The following KCNAB2 variants were observed in gnomAD, a reference collection of about 807,000 sequenced individuals.
KCNAB2 encodes potassium voltage-gated channel subfamily A regulatory beta subunit 2, also known as voltage-gated potassium channel subunit beta-2.
KCNAB2 carries 29 observed loss-of-function variants against 63.6 expected under a neutral mutation model. The observed-to-expected ratio is 0.46, with a 90% CI of 0.34 to 0.62. The LOEUF is 0.62. KCNAB2 is among the 20% of genes least tolerant of loss of function. The pLI is 0.01. For missense variants in KCNAB2, 359 were observed against 563.9 expected (o/e 0.64, Z 3.68); for synonymous variants, 222 against 224.2 (o/e 0.99, Z 0.09).
chr1:6,086,910 A>G lies in KCNAB2; in HGVS notation c.426-557A>G, dbSNP rs1664751207. ...TCCCCTCCCTCCCTTGGTGCCCCTC[A>G]AGTTACCCCGACCAGGCCGTCCCAC... On this transcript the variant is annotated intron_variant, in intron 6 of 15. Transcript: ENST00000378083. This position sits in a 1 kb window ranked among gnomAD's most constrained non-coding sequence, Gnocchi z 4.2. 6.7e-6 allele frequency among the ~76,000 whole-genome samples: 1 copy of G among 148,376 alleles called. No individual in the cohort carries two copies.
chr1:6,055,621 G>A (rs1661752046), intron 2 of KCNAB2, among the ~76,000 whole-genome samples: 1 of 152,220 alleles, frequency 6.6e-6, no homozygotes, highest in Admixed American at 6.5e-5. Flanking sequence ...ATCCCAAAGT[G>A]CTGGGATTAC....
intron 2 of KCNAB2, among the ~76,000 whole-genome samples, chr1:6,052,398 G>GC (rs746346503): frequency 6.6e-6 from 1 of 151,846 alleles, no homozygotes; most frequent in Non-Finnish European, 1.5e-5. Context: ...TGCACTCCAG[G>GC]CTGGGTGACA....
In KCNAB2 at chr1:6,074,006, G is replaced by A. The variant is rs1049409936; in HGVS notation, c.300+236G>A. Reference sequence around the variant, plus strand: ...GCCATCACCCAGCAGTGGATGCCTCGGGCCTCAGCATGTCCCTTAAGCTCC... The same window carrying A: ...GCCATCACCCAGCAGTGGATGCCTCAGGCCTCAGCATGTCCCTTAAGCTCC... On this transcript the variant is annotated intron_variant, in intron 4 of 15. Transcript: ENST00000378083. This position sits in a 1 kb window ranked among gnomAD's most constrained non-coding sequence, Gnocchi z 4.9. Among the ~76,000 whole-genome samples, 6 of 152,298 alleles carry A rather than the reference G, an allele frequency of 3.9e-5. No homozygotes were observed. The highest frequency in any genetic ancestry group is 7.2e-5 in the African/African-American group (3 of 41,540).
chr1:6,075,743 T>C (rs1663606624), intron 4 of KCNAB2, among the ~76,000 whole-genome samples: 1 of 152,234 alleles, frequency 6.6e-6, no homozygotes, highest in Non-Finnish European at 1.5e-5. Context: ...ATATGAAACA[T>C]AAAATTTGCC....
chr1:6,032,682 G>A (rs939548118), upstream of KCNAB2, among the ~76,000 whole-genome samples: 5 of 152,160 alleles, frequency 3.3e-5, no homozygotes, highest in African/African-American at 1.2e-4. Context: ...GCTATGCCCT[G>A]GCAGACACCA....
At chr1:5,997,235 C>G (rs570467287) in intron 1 of KCNAB2, among the ~76,000 whole-genome samples, 30 of 152,320 alleles carry the variant, frequency 2.0e-4, no homozygotes, top group African/African-American at 7.0e-4. Flanking sequence ...GCAGAGGAAC[C>G]TGGCTTTCCT....
In KCNAB2 at chr1:6,073,814, C is replaced by T. The variant is rs753235886; in HGVS notation, c.300+44C>T. ...AGCACCCCAGAACCCAGCACGGGCT[C>T]GCCAGAGCACATGGTTAAGTCTGCC... On this transcript the variant is annotated intron_variant, in intron 4 of 15. Transcript: ENST00000378083. The surrounding 1 kb of genome is among the most constrained non-coding windows in gnomAD (Gnocchi z 5.7). 4.4e-6 allele frequency: 7 copies of T among 1,598,026 alleles called. No individual in the cohort carries two copies. The highest frequency in any genetic ancestry group is 6.0e-6 in the Non-Finnish European group (7 of 1,165,732).
intron 1 of KCNAB2, among the ~76,000 whole-genome samples, chr1:6,012,963 G>C (rs1658278719): frequency 6.6e-6 from 1 of 152,190 alleles, no homozygotes; most frequent in East Asian, 1.9e-4. Context: ...TGTGCAGGCT[G>C]CCCTCTCCCA....
chr1:6,007,322 C>G (rs1480502391), intron 1 of KCNAB2: 2 of 152,284 alleles, frequency 1.3e-5, no homozygotes, highest in Non-Finnish European at 2.9e-5. Flanking sequence ...CGTGGCCACC[C>G]CATGTAAAGC....
chr1:6,045,669 C>A (rs943819506), upstream of KCNAB2, among the ~76,000 whole-genome samples: 8 of 152,234 alleles, frequency 5.3e-5, no homozygotes. The surrounding 1 kb of genome is among the most constrained non-coding windows in gnomAD (Gnocchi z 4.8). Flanking sequence ...CCCCAGCTCC[C>A]CTGCTGCAGA....
At chr1:6,041,758 G>T, upstream of KCNAB2, 1 of 1,376,132 alleles carries the variant, frequency 7.3e-7, no homozygotes, top group Non-Finnish European at 1.0e-6. Flanking sequence ...ACCTGCTGGG[G>T]TTGATGCCAA....
intron 2 of KCNAB2, among the ~76,000 whole-genome samples, chr1:6,055,301 C>T (rs114203928): frequency 0.015 from 2,240 of 151,822 alleles, 32 homozygotes; most frequent in Non-Finnish European, 0.024. Flanking sequence ...GGGGCTGAAA[C>T]GCCCTTGGGG....
intron 1 of KCNAB2, among the ~76,000 whole-genome samples, chr1:6,049,306 G>A (rs1661197241): frequency 6.6e-6 from 1 of 152,222 alleles, no homozygotes; most frequent in South Asian, 2.1e-4. Context: ...TGAGCAGGGG[G>A]CAGTGGCAGT....
chr1:6,043,796 T>C (rs75682633), upstream of KCNAB2, among the ~76,000 whole-genome samples: 227 of 152,338 alleles, frequency 1.5e-3, 3 homozygotes, highest in East Asian at 0.042. Context: ...GGAATTGGCA[T>C]AGGACACTGT....
rs1187614037 is a variant in KCNAB2, at chr1:6,097,312, G to C, written c.1113G>C (p.Gly371=). 1 of 1,552,524 alleles carries C rather than the reference G, an allele frequency of 6.4e-7. No individual in the cohort carries two copies. The highest frequency in any genetic ancestry group is 2.4e-5 in the East Asian group (1 of 41,390). ...AGGGAGTCAGCTCCGTGCTCCTGGG[G>C]GCCTCCAATGCGGACCAGCTCATGG... ...RNEGVSSVLL[G]ASNADQLMEN... is the part of the protein sequence containing the mutation. The change falls in exon 15 of 16, where the codon GGG becomes GGC. Residue 371 remains glycine, a synonymous_variant. Coordinates refer to ENST00000378083, the MANE Select transcript of KCNAB2 (RefSeq NM_001199862.2).
rs1016823124 is a variant in KCNAB2 at position 6,071,353 on chromosome 1, T to C, written c.219-1402T>C. Among the ~76,000 whole-genome samples the C allele has an allele frequency of 6.6e-6, 1 of 152,134 alleles. No individual in the cohort carries two copies. The highest frequency in any genetic ancestry group is 2.4e-5 in the African/African-American group (1 of 41,448). On this transcript the variant is annotated intron_variant, in intron 2 of 15. Coordinates refer to ENST00000378083, the MANE Select transcript of KCNAB2 (RefSeq NM_001199862.2). The surrounding 1 kb of genome is among the most constrained non-coding windows in gnomAD (Gnocchi z 8.5). ...TCACTCCCCACCGCCTAGAACCAGC[T>C]GCCCCTTGACCAGATGCTGGCAGCT... is the stretch of plus-strand genomic sequence containing the variant.
intron 2 of KCNAB2, among the ~76,000 whole-genome samples, chr1:6,068,677 G>A (rs1237938225): frequency 6.6e-6 from 1 of 152,208 alleles, no homozygotes; most frequent in Non-Finnish European, 1.5e-5. Context: ...CACTCATGCG[G>A]TACCTGCGTC....
At chr1:6,011,507 G>A (rs530579727) in intron 1 of KCNAB2, among the ~76,000 whole-genome samples, 5 of 152,362 alleles carry the variant, frequency 3.3e-5, no homozygotes, top group African/African-American at 7.2e-5. Flanking sequence ...GCAGGCAGAT[G>A]TGCAGGGGCA....
rs114437192 is a variant in KCNAB2 at position 6,021,152 on chromosome 1, C to A, written c.-52-19365C>A. On this transcript the variant is annotated intron_variant, in intron 1 of 16. Coordinates refer to the KCNAB2 transcript ENST00000341524. Reference sequence around the variant, plus strand: ...GGACTGCAGGTGCACATCACCATGCCCAGCTAATTTTTTTATTTTATTTTT... The same window carrying A: ...GGACTGCAGGTGCACATCACCATGCACAGCTAATTTTTTTATTTTATTTTT... Among the ~76,000 whole-genome samples, 1,045 of 152,210 alleles carry A rather than the reference C, an allele frequency of 6.9e-3. 12 individuals carry two copies. The highest frequency in any genetic ancestry group is 0.024 in the African/African-American group (1,013 of 41,516).
Sources: gnomAD v4.1 joint callset for allele counts (sites outside exome capture counted in the v4.1 genomes callset) on GRCh38, gnomAD v4.1.1 for gene constraint, Gnocchi (gnomAD v3.1) non-coding constraint, MANE v1.5 for transcripts, NCBI Gene and HGNC (gene_info 2026-07-23, HGNC 2026-07-21) for gene names.